Variants in ETV6 observed in about 807,000 individuals in gnomAD.
ETV6 encodes ETS variant transcription factor 6.
A neutral mutation model predicts 51.1 loss-of-function variants in ETV6; 16 were observed. That is an observed-to-expected ratio of 0.31 (90% CI 0.21 to 0.48). The LOEUF (loss-of-function observed/expected upper bound fraction) is 0.48. ETV6 is among the 20% of genes least tolerant of loss of function. The pLI is 0.99. For synonymous variants in ETV6, 240 were observed against 224.1 expected (o/e 1.07, Z -0.64); for missense variants, 458 against 594.8 (o/e 0.77, Z 2.39).
intron 1 of ETV6, among the ~76,000 whole-genome samples, chr12:11,667,930 G>GA (rs2120677878): frequency 6.6e-6 from 1 of 151,982 alleles, no homozygotes; most frequent in Admixed American, 6.6e-5. Flanking sequence ...TTGAACTCCT[G>GA]ACCTCGCGAT....
chr12:11,792,384 A>T (rs1291836801), intron 2 of ETV6, among the ~76,000 whole-genome samples: 2 of 152,160 alleles, frequency 1.3e-5, no homozygotes, highest in African/African-American at 2.4e-5. Flanking sequence ...TCTGAGACGG[A>T]TTACATTTAA....
intron 1 of ETV6, among the ~76,000 whole-genome samples, chr12:11,672,563 T>C (rs1864340431): frequency 1.3e-5 from 2 of 152,218 alleles, no homozygotes; most frequent in African/African-American, 2.4e-5. Flanking sequence ...CCTCCGTTAA[T>C]GGGGTGAGAC....
chr12:11,852,142 G>T (rs1382429239), intron 3 of ETV6, among the ~76,000 whole-genome samples: 1 of 152,160 alleles, frequency 6.6e-6, no homozygotes. Context: ...GGGTTTTGAG[G>T]CACCCACCTG....
chr12:11,666,578 G>A (rs1452609252), intron 1 of ETV6, among the ~76,000 whole-genome samples: 1 of 152,136 alleles, frequency 6.6e-6, no homozygotes, highest in African/African-American at 2.4e-5. Flanking sequence ...TGGACCACTT[G>A]GGAGAAATCA....
intron 3 of ETV6, among the ~76,000 whole-genome samples, chr12:11,843,573 T>A (rs2239178): frequency 0.53 from 79,844 of 152,034 alleles, 23,164 homozygotes; most frequent in African/African-American, 0.77. Flanking sequence ...CAATGTAGCT[T>A]TCTATGCTCT....
In ETV6 at chr12:11,869,716, C is replaced by G; in HGVS notation, c.756C>G (p.His252Gln). ...ACTGCCCAGCGTCCTCCGAGTCCCA[C>G]CCGAAGCCATCCAGCCCCCGGCAGG... ...NNHCPASSES[H>Q]PKPSSPRQES... The change falls in exon 5 of 8, where the codon CAC (histidine) becomes CAG (glutamine). Residue 252 changes from histidine to glutamine, a missense_variant. Around this residue, in one of 4 missense-constraint regions of ETV6, gnomAD observed 293 missense variants for 315.7 expected, o/e 0.93. Transcript: ENST00000396373. This position sits in a 1 kb window ranked among gnomAD's most constrained non-coding sequence, Gnocchi z 5.0. 6.2e-7 allele frequency: 1 copy of G among 1,614,054 alleles called. No homozygotes were observed. The highest frequency in any genetic ancestry group is 8.5e-7 in the Non-Finnish European group (1 of 1,180,036).
At chr12:11,821,173 T>C (rs1252093039) in intron 2 of ETV6, among the ~76,000 whole-genome samples, 1 of 150,902 alleles carries the variant, frequency 6.6e-6, no homozygotes, top group Non-Finnish European at 1.5e-5. Flanking sequence ...CCATCCTGGC[T>C]AACACGGCAA....
At chr12:11,837,846 C>A (rs549150675) in intron 2 of ETV6, among the ~76,000 whole-genome samples, 13 of 152,218 alleles carry the variant, frequency 8.5e-5, no homozygotes, top group Admixed American at 7.8e-4. Context: ...TCTCATGTCT[C>A]CTTTTGATTC....
In ETV6 at chr12:11,650,080, G is replaced by A. The variant is rs775973775; in HGVS notation, c.-48G>A. The A allele has an allele frequency of 7.2e-5, 114 of 1,592,400 alleles. No individual in the cohort carries two copies. The highest frequency in any genetic ancestry group is 1.1e-4 in the African/African-American group (8 of 74,506). ...CCTTTCTGGGTTGGGGAGAGGAAAG[G>A]AAAGTGGAAAAAACCTGAGAACTTC... On this transcript the variant is annotated 5_prime_UTR_variant, in exon 1 of 8. Coordinates refer to ENST00000396373, the MANE Select transcript of ETV6 (RefSeq NM_001987.5).
chr12:11,751,391 T>G, intron 1 of ETV6: 1 of 519,058 alleles, frequency 1.9e-6, no homozygotes, highest in Non-Finnish European at 3.8e-6. Context: ...TCCACCATAT[T>G]TTTGGATGTT....
chr12:11,678,582 T>G (rs376835463), intron 1 of ETV6, among the ~76,000 whole-genome samples: 6 of 152,298 alleles, frequency 3.9e-5, no homozygotes, highest in African/African-American at 1.4e-4. Context: ...TTCATACAAT[T>G]TCAAGAATTA....
At chr12:11,689,827 C>G (rs1018547358) in intron 1 of ETV6, among the ~76,000 whole-genome samples, 1 of 124,542 alleles carries the variant, frequency 8.0e-6, no homozygotes, top group Non-Finnish European at 1.7e-5. Context: ...CCCCCCACCC[C>G]CCTTTGTCTT....
chr12:11,821,816 G>T (rs887679729), intron 2 of ETV6, among the ~76,000 whole-genome samples: 1 of 152,240 alleles, frequency 6.6e-6, no homozygotes, highest in East Asian at 1.9e-4. Context: ...CAACAACTCT[G>T]TTGTCTGGGC....
chr12:11,815,538 C>G (rs1275492435), intron 2 of ETV6, among the ~76,000 whole-genome samples: 1 of 152,238 alleles, frequency 6.6e-6, no homozygotes, highest in Non-Finnish European at 1.5e-5. Flanking sequence ...CCACTTTGAT[C>G]AAGCCATTTA....
chr12:11,690,539 T>C (rs572187743), intron 1 of ETV6, among the ~76,000 whole-genome samples: 12 of 152,132 alleles, frequency 7.9e-5, no homozygotes, highest in Non-Finnish European at 1.8e-4. Context: ...TGCAGTGAGC[T>C]ATGATTGTAC....
At chr12:11,890,589 AG>A in intron 7 of ETV6, among the ~76,000 whole-genome samples, 1 of 130,362 alleles carries the variant, frequency 7.7e-6, no homozygotes, top group Non-Finnish European at 1.7e-5. Flanking sequence ...CACCGTACCC[AG>A]ATTTTTTTTT....
chr12:11,886,111 T>C (rs1265260785), intron 7 of ETV6, 85 bp downstream of exon 7: 1 of 941,890 alleles, frequency 1.1e-6, no homozygotes, highest in Non-Finnish European at 1.7e-6. Context: ...ACTGTTAAGA[T>C]CTCTACCTGC....
Position 11,853,540 on chromosome 12 carries a change from C to G in ETV6, c.442C>G (p.Leu148Val). 1 of 1,614,254 alleles carries G rather than the reference C, an allele frequency of 6.2e-7. No individual in the cohort carries two copies. Among genetic ancestry groups the G allele is most frequent in the Non-Finnish European group, 8.5e-7 (1 of 1,180,036 alleles). The change falls in exon 4 of 8, where the codon CTG (leucine) becomes GTG (valine). Residue 148 changes from leucine (L) to valine (V), a missense_variant. Physicochemically the swap from Leu to Val is conservative, Grantham distance 32. This residue lies in a region of ETV6 where 293 missense variants were observed against 315.7 expected (regional missense o/e 0.93). Coordinates refer to ENST00000396373, the MANE Select transcript of ETV6 (RefSeq NM_001987.5). ...TATACACACACAGCCGGAGGTCATA[C>G]TGCATCAGAACCATGAAGAAGGTAC... ...NSIHTQPEVI[L>V]HQNHEEDNCV...
intron 2 of ETV6, among the ~76,000 whole-genome samples, chr12:11,833,261 A>G (rs1946269046): frequency 6.6e-6 from 1 of 152,202 alleles, no homozygotes; most frequent in African/African-American, 2.4e-5. Flanking sequence ...ATTTTACTCT[A>G]CACTAGTTTT....
Sources: gnomAD v4.1 joint callset for allele counts (sites outside exome capture counted in the v4.1 genomes callset) on GRCh38, gnomAD v4.1.1 for gene constraint, gnomAD v4.1.1 regional missense constraint, Gnocchi (gnomAD v3.1) non-coding constraint, MANE v1.5 for transcripts, NCBI Gene and HGNC (gene_info 2026-07-23, HGNC 2026-07-21) for gene names.